The following RAD54L2 variants were observed in gnomAD, a reference collection of about 807,000 sequenced individuals.
The protein encoded by RAD54L2 is RAD54 like 2.
Under a neutral mutation model 138.4 loss-of-function variants are expected in RAD54L2, and 27 were observed. The observed-to-expected ratio is 0.20, with a 90% CI of 0.14 to 0.27. RAD54L2 has a LOEUF of 0.27. Among genes scored for constraint, RAD54L2 ranks in the 10% least tolerant of loss-of-function variants. RAD54L2 has a pLI of 1.00. For missense variants in RAD54L2, 1,396 were observed against 1,890.2 expected (o/e 0.74, Z 4.85); for synonymous variants, 644 against 723.2 (o/e 0.89, Z 1.76).
rs1224989861 is a variant in RAD54L2, at chr3:51,667,066, G to C, written c.*3646G>C. On this transcript the variant is annotated 3_prime_UTR_variant, in exon 23 of 23. Transcript: ENST00000684192. ...CTCTGTGTGAGTCTATTCAAACCTG[G>C]CATTGCTCTGAAATTGAGTCCTCAT... 3 of 152,208 alleles carry C rather than the reference G, an allele frequency of 2.0e-5. No homozygotes were observed. Among genetic ancestry groups the C allele is most frequent in the African/African-American group, 7.2e-5 (3 of 41,428 alleles). 9.4% of individuals were successfully genotyped at this position (152,208 alleles called of 1,614,324 possible).
At chr3:51,601,695 C>T (rs544849543) in intron 3 of RAD54L2, among the ~76,000 whole-genome samples, 3 of 151,690 alleles carry the variant, frequency 2.0e-5, no homozygotes, top group East Asian at 2.0e-4. Flanking sequence ...CTGCCCTCCT[C>T]GGCCTCCCAA....
chr3:51,657,709 G>A, intron 21 of RAD54L2, 40 bp downstream of exon 21: 1 of 1,368,614 alleles, frequency 7.3e-7, no homozygotes, highest in South Asian at 1.2e-5. Context: ...GCCTTTGGTT[G>A]AGAGTGCTGG....
intron 3 of RAD54L2, among the ~76,000 whole-genome samples, chr3:51,602,148 T>A (rs996222889): frequency 7.2e-5 from 11 of 151,978 alleles, no homozygotes; most frequent in Non-Finnish European, 1.6e-4. Context: ...TCTTTCTTAT[T>A]TTTTTGGCCC....
chr3:51,573,092 A>G (rs1456340336), intron 2 of RAD54L2, among the ~76,000 whole-genome samples: 2 of 152,324 alleles, frequency 1.3e-5, no homozygotes, highest in East Asian at 3.9e-4. Context: ...TATATAATCT[A>G]GATGGATACA....
intron 13 of RAD54L2, 73 bp downstream of exon 13, chr3:51,639,743 G>T (rs1238868723): frequency 6.3e-7 from 1 of 1,578,030 alleles, no homozygotes; most frequent in Non-Finnish European, 8.6e-7. Flanking sequence ...GCCTGGGGAA[G>T]GGGTAGGGAT....
chr3:51,542,571 TG>T (rs1366319245), intron 2 of RAD54L2, among the ~76,000 whole-genome samples: 7 of 151,870 alleles, frequency 4.6e-5, no homozygotes, highest in Non-Finnish European at 8.8e-5. Context: ...TCAGCCTCCC[TG>T]GGATTACAGG....
chr3:51,639,872 C>CT lies in RAD54L2; in HGVS notation c.2113-8dup. 1 of 1,581,612 alleles carries CT rather than the reference C, an allele frequency of 6.3e-7. No homozygotes were observed. Reference sequence around the variant, plus strand: ...ACCTGCTCTAAGCTGCCTTGTTTCTCTCTTGCAGGCCAAGGACCTTCTGAC... The same window carrying CT: ...ACCTGCTCTAAGCTGCCTTGTTTCTCTTCTTGCAGGCCAAGGACCTTCTGAC... On this transcript the variant is annotated splice_polypyrimidine_tract_variant and intron_variant, in intron 13 of 22. Coordinates refer to ENST00000684192, the MANE Select transcript of RAD54L2 (RefSeq NM_015106.4).
At chr3:51,571,093 T>G (rs1387697876) in intron 2 of RAD54L2, among the ~76,000 whole-genome samples, 2 of 152,112 alleles carry the variant, frequency 1.3e-5, no homozygotes, top group African/African-American at 4.8e-5. Context: ...AGTGTTGGGA[T>G]TATAGGAGTA....
rs530629123 is a variant in RAD54L2, at chr3:51,601,205, G to A, written c.139+10646G>A. Among the ~76,000 whole-genome samples the A allele has an allele frequency of 3.9e-5, 6 of 152,116 alleles. No individual in the cohort carries two copies. The South Asian group carries it at 1.0e-3, about 26-fold the overall frequency. On this transcript the variant is annotated intron_variant, in intron 3 of 22. Coordinates refer to ENST00000684192, the MANE Select transcript of RAD54L2 (RefSeq NM_015106.4). ...TTTTTTTTATCTTTAGTAGAAAGGA[G>A]GTTTCACCATTTTGGCCAGGCTGGT...
At chr3:51,573,733 A>G (rs1699395517) in intron 2 of RAD54L2, among the ~76,000 whole-genome samples, 1 of 152,202 alleles carries the variant, frequency 6.6e-6, no homozygotes, top group Admixed American at 6.5e-5. Context: ...GCCCAAATCT[A>G]TACTTTGAAA....
chr3:51,593,981 A>C (rs1203487561), intron 3 of RAD54L2, among the ~76,000 whole-genome samples: 1 of 149,536 alleles, frequency 6.7e-6, no homozygotes, highest in African/African-American at 2.5e-5. Flanking sequence ...TAAAGGTATA[A>C]TTTTCCCTGT....
rs1280804426 is a variant in RAD54L2, at chr3:51,668,252, A to AG, written c.*4833dup. ...TACCATCTTCAGAGAGGTCAGGGGA[A>AG]GAGGGTCCAGGTGGGTTAAGGGGGG... On this transcript the variant is annotated 3_prime_UTR_variant, in exon 23 of 23. Coordinates refer to ENST00000684192, the MANE Select transcript of RAD54L2 (RefSeq NM_015106.4). 1.3e-5 allele frequency: 2 copies of AG among 152,262 alleles called. No individual in the cohort carries two copies. Among genetic ancestry groups the AG allele is most frequent in the Non-Finnish European group, 2.9e-5 (2 of 68,072 alleles). 9.4% of individuals were successfully genotyped at this position (152,262 alleles called of 1,614,324 possible).
intron 3 of RAD54L2, among the ~76,000 whole-genome samples, chr3:51,615,579 A>G (rs935824275): frequency 2.6e-5 from 4 of 152,226 alleles, no homozygotes; most frequent in African/African-American, 9.6e-5. Flanking sequence ...TAATGATACA[A>G]TGGTGAATGA....
chr3:51,601,281 A>T (rs1486446772), intron 3 of RAD54L2, among the ~76,000 whole-genome samples: 1 of 140,816 alleles, frequency 7.1e-6, no homozygotes, highest in Admixed American at 7.1e-5. Context: ...CAAAGTGCTG[A>T]GATTACAGGC....
intron 2 of RAD54L2, among the ~76,000 whole-genome samples, chr3:51,583,209 A>C (rs1406931584): frequency 1.3e-5 from 2 of 152,218 alleles, no homozygotes; most frequent in Admixed American, 6.5e-5. Flanking sequence ...GGCTCCATAG[A>C]GACAGCTAGA....
At chr3:51,597,997 G>A (rs985716625) in intron 3 of RAD54L2, among the ~76,000 whole-genome samples, 7 of 150,562 alleles carry the variant, frequency 4.6e-5, no homozygotes, top group Non-Finnish European at 1.5e-5. Flanking sequence ...ATTATGCTGA[G>A]TGAAAGCCAG....
At chr3:51,585,053 C>G (rs1699682678) in intron 2 of RAD54L2, among the ~76,000 whole-genome samples, 2 of 151,964 alleles carry the variant, frequency 1.3e-5, no homozygotes, top group South Asian at 4.1e-4. Context: ...TCAAACGATT[C>G]TCCTGCCTCA....
chr3:51,598,648 C>T (rs1428951005), intron 3 of RAD54L2, among the ~76,000 whole-genome samples: 3 of 151,956 alleles, frequency 2.0e-5, no homozygotes, highest in Admixed American at 2.0e-4. Context: ...CCCAGCTACT[C>T]GGGAGGCTGA....
At chr3:51,583,400 C>T (rs979765328) in intron 2 of RAD54L2, among the ~76,000 whole-genome samples, 1 of 151,794 alleles carries the variant, frequency 6.6e-6, no homozygotes, top group Admixed American at 6.6e-5. Context: ...TATGCCAAAA[C>T]TCTGATAAGT....
Sources: gnomAD v4.1 joint callset for allele counts (sites outside exome capture counted in the v4.1 genomes callset) on GRCh38, gnomAD v4.1.1 for gene constraint, MANE v1.5 for transcripts, NCBI Gene and HGNC (gene_info 2026-07-23, HGNC 2026-07-21) for gene names.